The following NDRG2 variants were observed in gnomAD, a reference collection of about 807,000 sequenced individuals.
NDRG2 encodes NDRG family member 2, also known as protein NDRG2.
A neutral mutation model predicts 58.2 loss-of-function variants in NDRG2; 34 were observed. The observed-to-expected ratio is 0.58, with a 90% CI of 0.44 to 0.78. NDRG2 has a LOEUF of 0.78. NDRG2 is among the 30% of genes least tolerant of loss of function. The probability of loss-of-function intolerance (pLI) is 0.00; values close to 1 mark genes in which losing one functional copy is unlikely to be tolerated. For synonymous variants in NDRG2, 187 were observed against 175.9 expected (o/e 1.06, Z -0.50); for missense variants, 434 against 471.2 (o/e 0.92, Z 0.73).
At chr14:21,033,812 C>T (rs1245287236) in intron 1 of NDRG2, 3 of 1,581,894 alleles carry the variant, frequency 1.9e-6, no homozygotes, top group Non-Finnish European at 2.6e-6. Flanking sequence ...GGGAGTGGCT[C>T]AGGAATTAAA....
chr14:21,069,570 C>G (rs368545863), intron 1 of NDRG2, among the ~76,000 whole-genome samples: 2 of 152,344 alleles, frequency 1.3e-5, no homozygotes, highest in South Asian at 2.1e-4. Flanking sequence ...AACCCTGCCC[C>G]CTTGGCCAGG....
intron 1 of NDRG2, among the ~76,000 whole-genome samples, chr14:21,052,024 A>G (rs949573996): frequency 1.3e-5 from 2 of 152,180 alleles, no homozygotes; most frequent in African/African-American, 2.4e-5. Context: ...CCTCTCCTTC[A>G]TACTAGTAAG....
upstream of NDRG2, among the ~76,000 whole-genome samples, chr14:21,028,019 T>C (rs567480127): frequency 1.7e-3 from 260 of 152,314 alleles, no homozygotes; most frequent in African/African-American, 5.8e-3. Context: ...GTCCTCACTG[T>C]ACAGATGAGA....
At position 21,063,216 on chromosome 14, in the gene NDRG2, GTA is replaced by G. The variant is rs1241784454; in HGVS notation, c.24+7610_24+7611del. On this transcript the variant is annotated intron_variant, in intron 1 of 14. Coordinates refer to the NDRG2 transcript ENST00000403829. The stretch of plus-strand genomic sequence containing the variant: ...TAGAGTGCCTGCCTAAAAGTGGTGT[GTA>G]TGTGTGTGTGTGTATGTGTGTGTGT... Among the ~76,000 whole-genome samples, 12 of 152,100 alleles carry G rather than the reference GTA, an allele frequency of 7.9e-5. 3 individuals carry two copies. Among genetic ancestry groups the G allele is most frequent in the Admixed American group, 6.5e-4 (10 of 15,284 alleles).
chr14:21,018,089 G>C (rs1024442560), intron 14 of NDRG2, 51 bp from the exon 15 acceptor site: 1 of 1,606,648 alleles, frequency 6.2e-7, no homozygotes, highest in African/African-American at 1.3e-5. Context: ...GTTAGAGGAA[G>C]AGCTGGAGCC....
chr14:21,033,651 C>T (rs774863846), intron 1 of NDRG2: 2 of 629,044 alleles, frequency 3.2e-6, no homozygotes, highest in Non-Finnish European at 5.7e-6. Flanking sequence ...GATAGCACCA[C>T]TTTGCATGGT....
At chr14:21,045,728 T>C (rs1383461610) in intron 1 of NDRG2, among the ~76,000 whole-genome samples, 2 of 152,244 alleles carry the variant, frequency 1.3e-5, no homozygotes, top group Non-Finnish European at 2.9e-5. Context: ...CTAAAACTTT[T>C]TCTTGAAACT....
intron 1 of NDRG2, among the ~76,000 whole-genome samples, chr14:21,034,947 T>C (rs1477470967): frequency 6.6e-6 from 1 of 152,234 alleles, no homozygotes. Context: ...GTGCCTGGGC[T>C]TTCTTTGATG....
At chr14:21,040,020 C>T (rs1353266309) in intron 1 of NDRG2, among the ~76,000 whole-genome samples, 1 of 152,220 alleles carries the variant, frequency 6.6e-6, no homozygotes, top group Non-Finnish European at 1.5e-5. Flanking sequence ...ACTCCAAAGG[C>T]TAGACTGGCC....
chr14:21,017,549 C>G lies in NDRG2; in HGVS notation c.*47G>C. 6.3e-7 allele frequency: 1 copy of G among 1,586,352 alleles called. No individual in the cohort carries two copies. Among genetic ancestry groups the G allele is most frequent in the South Asian group, 1.2e-5 (1 of 86,448 alleles). On this transcript the variant is annotated 3_prime_UTR_variant, in exon 16 of 16. Coordinates refer to ENST00000556147, the MANE Select transcript of NDRG2 (RefSeq NM_001320329.2). ...CCCTTCAGCACCTCCCAGGTTAGCT[C>G]TGGGGGAGGTGAGGGCTGGGTCCCA...
chr14:21,021,768 T>C (rs1880506231), intron 6 of NDRG2, 49 bp downstream of exon 6: 1 of 1,583,264 alleles, frequency 6.3e-7, no homozygotes, highest in Non-Finnish European at 8.6e-7. Context: ...AAGGGTCTCC[T>C]TGTGCTGGAA....
intron 1 of NDRG2, chr14:21,048,365 C>T (rs1885301584): frequency 6.6e-6 from 1 of 152,078 alleles, no homozygotes; most frequent in African/African-American, 2.4e-5. Context: ...GTCCACAGTT[C>T]ATAAGAGGAA....
In NDRG2 at chr14:21,039,704, C is replaced by T. The variant is rs182442587; in HGVS notation, c.25-16383G>A. ...AAACAAAGATTTCAGTTGAATTGCACGTATGGTAGGTACGACTCAATTTCG... is the reference window on the plus strand; with the variant it reads ...AAACAAAGATTTCAGTTGAATTGCATGTATGGTAGGTACGACTCAATTTCG... On this transcript the variant is annotated intron_variant, in intron 1 of 14. Coordinates refer to the NDRG2 transcript ENST00000403829. Among the ~76,000 whole-genome samples the T allele has an allele frequency of 3.2e-3, 493 of 152,308 alleles. 1 individual carries two copies. Among genetic ancestry groups the T allele is most frequent in the Non-Finnish European group, 5.2e-3 (356 of 68,036 alleles).
chr14:21,024,675 GC>G lies in NDRG2; in HGVS notation c.-653del, dbSNP rs1225337001. 7.0e-5 allele frequency: 69 copies of G among 985,402 alleles called. No individual in the cohort carries two copies. The highest frequency in any genetic ancestry group is 5.2e-4 in the Middle Eastern group (1 of 1,936). 61.0% of individuals were successfully genotyped at this position (985,402 alleles called of 1,614,324 possible). ...AATCTTCTCCCGTTCTCCCCCGACG[GC>G]CCGCGAAGGCAAGCGCCATCGGGAA... On this transcript the variant is annotated 5_prime_UTR_variant, in exon 1 of 16. The change creates a premature stop within an existing upstream ORF in the 5' untranslated region. Transcript: ENST00000556147.
At position 21,025,006 on chromosome 14, in the gene NDRG2, C is replaced by G. The variant is rs1159354217; in HGVS notation, c.-983G>C. On this transcript the variant is annotated 5_prime_UTR_variant, in exon 1 of 16. Coordinates refer to ENST00000556147, the MANE Select transcript of NDRG2 (RefSeq NM_001320329.2). This position sits in a 1 kb window ranked among gnomAD's most constrained non-coding sequence, Gnocchi z 5.1. ...GCTGGCGCCTTCCAGGCCCTACGGC[C>G]CCTCGCCTGCCCCTCCCCCTACCTG... The G allele has an allele frequency of 1.0e-5, 10 of 985,828 alleles. No homozygotes were observed. The highest frequency in any genetic ancestry group is 1.2e-5 in the Non-Finnish European group (10 of 830,384). 61.1% of individuals were successfully genotyped at this position (985,828 alleles called of 1,614,324 possible). A position where few individuals can be genotyped will look rare whatever the true frequency, so the allele number is the denominator to read the frequency against.
At chr14:21,065,350 C>G (rs958399063) in intron 1 of NDRG2, among the ~76,000 whole-genome samples, 5 of 152,156 alleles carry the variant, frequency 3.3e-5, no homozygotes, top group Middle Eastern at 3.2e-3. Context: ...TCACTTGTTC[C>G]CAAAACCATT....
rs144863057 is a variant in NDRG2 at position 21,018,021 on chromosome 14, C to T, written c.915G>A (p.Glu305=). ...PQLTQPGKLT[E]AFKYFLQGMG... is the part of the protein sequence containing the mutation. ...TGCCTTGCAGGAAGTACTTGAAGGC[C>T]TCGGTCAGCTTGCCTGGCTGCGGAA... The change falls in exon 15 of 16, where the codon GAG becomes GAA. Residue 305 remains glutamate (E), a synonymous_variant. Coordinates refer to ENST00000556147, the MANE Select transcript of NDRG2 (RefSeq NM_001320329.2). 39 of 1,614,180 alleles carry T rather than the reference C, an allele frequency of 2.4e-5. No homozygotes were observed. In the Admixed American group the frequency reaches 2.5e-4, roughly 10 times the overall value.
chr14:21,066,104 T>TAAC (rs951156309), intron 1 of NDRG2, among the ~76,000 whole-genome samples: 15 of 151,882 alleles, frequency 9.9e-5, no homozygotes, highest in African/African-American at 2.4e-4. Context: ...TTTTCAACAA[T>TAAC]AACAACAACA....
chr14:21,031,288 ATCTAGACAT>A, intron 1 of NDRG2: 1 of 1,303,322 alleles, frequency 7.7e-7, no homozygotes, highest in Non-Finnish European at 1.0e-6. Flanking sequence ...TTTAGAGATC[ATCTAGACAT>A]TCCAGAAGTC....
Sources: gnomAD v4.1 joint callset for allele counts (sites outside exome capture counted in the v4.1 genomes callset) on GRCh38, gnomAD v4.1.1 for gene constraint, Gnocchi (gnomAD v3.1) non-coding constraint, MANE v1.5 for transcripts, NCBI Gene and HGNC (gene_info 2026-07-23, HGNC 2026-07-21) for gene names.